The following PPP2R1B variants were observed in gnomAD, a reference collection of about 807,000 sequenced individuals.
The protein encoded by PPP2R1B is protein phosphatase 2 scaffold subunit Abeta.
A neutral mutation model predicts 72.7 loss-of-function variants in PPP2R1B; 58 were observed. The ratio of observed to expected loss-of-function variants is 0.80; its 90% CI spans 0.65 to 0.99. The LOEUF is 0.99. Ranked by LOEUF, PPP2R1B falls within the 50% of genes least tolerant of loss-of-function variation. The pLI is 0.00. For synonymous variants in PPP2R1B, 256 were observed against 264.6 expected, an observed-to-expected ratio of 0.97 and a Z score of 0.32; for missense variants, 695 against 733.6, an observed-to-expected ratio of 0.95 and a Z score of 0.61.
At chr11:111,695,429 G>A in the PPP2R1B span, among the ~76,000 whole-genome samples, 1 of 152,040 alleles carries the variant, frequency 6.6e-6, no homozygotes, top group African/African-American at 2.4e-5. Flanking sequence ...TAAAAAAAAG[G>A]ACTTAGTTTA....
At chr11:111,690,390 AG>A in the PPP2R1B span, among the ~76,000 whole-genome samples, 1 of 151,066 alleles carries the variant, frequency 6.6e-6, no homozygotes, top group African/African-American at 2.4e-5. Context: ...AGCACAAAGG[AG>A]TTCTAGGAGT....
downstream of PPP2R1B, among the ~76,000 whole-genome samples, chr11:111,733,434 A>G (rs920162960): frequency 6.6e-6 from 1 of 152,196 alleles, no homozygotes; most frequent in Non-Finnish European, 1.5e-5. Flanking sequence ...GTGGGCCCAG[A>G]GGAAAATGAG....
the PPP2R1B span, among the ~76,000 whole-genome samples, chr11:111,699,933 T>C: frequency 6.6e-6 from 1 of 152,228 alleles, no homozygotes; most frequent in Non-Finnish European, 1.5e-5. Context: ...CATGCAATGC[T>C]GTGCTCCAGC....
intron 11 of PPP2R1B, among the ~76,000 whole-genome samples, chr11:111,746,947 C>T (rs1170871696): frequency 6.6e-6 from 1 of 152,122 alleles, no homozygotes; most frequent in Non-Finnish European, 1.5e-5. Context: ...ACCATATGAT[C>T]CTCCATATGA....
At chr11:111,720,663 G>A in the PPP2R1B span, 1 of 1,614,068 alleles carries the variant, frequency 6.2e-7, no homozygotes, top group Non-Finnish European at 8.5e-7. Flanking sequence ...TACCAACCCA[G>A]CCATGCAGGC....
At chr11:111,723,350 C>G (rs904320874), downstream of PPP2R1B, 12 of 822,514 alleles carry the variant, frequency 1.5e-5, no homozygotes, top group Middle Eastern at 1.4e-3. Flanking sequence ...AGACCCAACA[C>G]AATTGGTTCC....
In PPP2R1B at chr11:111,755,377, G is replaced by A. The variant is rs1555049302; in HGVS notation, c.761C>T (p.Thr254Ile). 2.5e-6 allele frequency: 4 copies of A among 1,613,750 alleles called. No homozygotes were observed. Among genetic ancestry groups the A allele is most frequent in the African/African-American group, 2.7e-5 (2 of 74,864 alleles). Residue 254 changes from threonine (T) to isoleucine (I), a missense_variant, in exon 6 of 15, where the codon ACT becomes ATT. By Grantham distance (89) the Thr-to-Ile change is moderately conservative (BLOSUM62 -1). Coordinates refer to ENST00000527614, the MANE Select transcript of PPP2R1B (RefSeq NM_002716.5). Reference protein sequence around the residue: ...AQLLSQDDLETLVMPTLRQAA... With the variant: ...AQLLSQDDLEILVMPTLRQAA... ...TTGTCGAAGTGTAGGCATCACCAAA[G>A]TCTCAAGGTCATCCTGAGACAATAA...
At chr11:111,758,053 C>T (rs939511291) in intron 5 of PPP2R1B, among the ~76,000 whole-genome samples, 16 of 152,134 alleles carry the variant, frequency 1.1e-4, no homozygotes, top group African/African-American at 3.1e-4. Flanking sequence ...AAATCCTTTC[C>T]ATCTTCACTA....
chr11:111,753,654 T>G, intron 8 of PPP2R1B, 77 bp from the exon 9 acceptor site: 1 of 1,437,058 alleles, frequency 7.0e-7, no homozygotes, highest in Non-Finnish European at 9.4e-7. Flanking sequence ...GGAAACAGAG[T>G]CTTGCTCTGT....
At chr11:111,699,013 G>A in the PPP2R1B span, among the ~76,000 whole-genome samples, 1 of 152,160 alleles carries the variant, frequency 6.6e-6, no homozygotes, top group Non-Finnish European at 1.5e-5. Context: ...AGTTTTTCTA[G>A]AAAATTAGAA....
the PPP2R1B span, chr11:111,720,944 A>G: frequency 6.2e-7 from 1 of 1,614,164 alleles, no homozygotes; most frequent in South Asian, 1.1e-5. Flanking sequence ...GCTAGAACCA[A>G]AGGAATTCTA....
intron 5 of PPP2R1B, among the ~76,000 whole-genome samples, chr11:111,756,626 G>A (rs1470908680): frequency 6.6e-6 from 1 of 152,160 alleles, no homozygotes; most frequent in Non-Finnish European, 1.5e-5. Flanking sequence ...ACAATTAAAA[G>A]TTAGAAATCA....
rs1944437837 is a variant in PPP2R1B at position 111,739,193 on chromosome 11, A to T, written c.*2403T>A. The T allele has an allele frequency of 1.0e-6, 1 of 983,588 alleles. No individual in the cohort carries two copies. The highest frequency in any genetic ancestry group is 1.7e-5 in the African/African-American group (1 of 57,192). The allele number at this position is 983,588 out of a possible 1,614,324, so 60.9% of individuals were successfully genotyped here. A position where few individuals can be genotyped will look rare whatever the true frequency, so the allele number is the denominator to read the frequency against. ...AAATTCATCCATTGAACACATTTTT[A>T]TTGAGCACCTATTATGTGCACCAGA... On this transcript the variant is annotated 3_prime_UTR_variant, in exon 15 of 15. Coordinates refer to ENST00000527614, the MANE Select transcript of PPP2R1B (RefSeq NM_002716.5).
chr11:111,698,307 T>G, the PPP2R1B span, among the ~76,000 whole-genome samples: 4 of 152,220 alleles, frequency 2.6e-5, no homozygotes, highest in South Asian at 4.1e-4. Flanking sequence ...GCCTGTGAAG[T>G]GTACTATGAG....
the PPP2R1B span, chr11:111,705,264 G>GC: frequency 4.9e-6 from 5 of 1,017,384 alleles, no homozygotes; most frequent in East Asian, 1.6e-4. The surrounding 1 kb of genome is among the most constrained non-coding windows in gnomAD (Gnocchi z 4.3). Flanking sequence ...TAAAATTTCT[G>GC]CCTGCCATTC....
Position 111,727,110 on chromosome 11 carries a change from A to G in PPP2R1B, c.1912-53T>C, listed in dbSNP as rs926633611. ...ACAGGAAGAGGGGGCCCACTTTCACATTCCCGGTGACACTGACCGTCCCCA... is the reference window on the plus strand; with the variant it reads ...ACAGGAAGAGGGGGCCCACTTTCACGTTCCCGGTGACACTGACCGTCCCCA... On this transcript the variant is annotated intron_variant, in intron 15 of 15. Coordinates refer to the PPP2R1B transcript ENST00000311129. 3.3e-6 allele frequency: 5 copies of G among 1,505,658 alleles called. No homozygotes were observed. In the African/African-American group the frequency reaches 6.9e-5, roughly 21 times the overall value. 93.3% of individuals were successfully genotyped at this position (1,505,658 alleles called of 1,614,324 possible). A position where few individuals can be genotyped will look rare whatever the true frequency, so the allele number is the denominator to read the frequency against.
chr11:111,704,078 G>T, the PPP2R1B span, among the ~76,000 whole-genome samples: 1 of 152,208 alleles, frequency 6.6e-6, no homozygotes, highest in Non-Finnish European at 1.5e-5. Flanking sequence ...ATGCCGCCTT[G>T]TTTGCTGTGA....
chr11:111,698,266 CCAGAGAAGTGTTCCCAGCTCTTG>C, the PPP2R1B span, among the ~76,000 whole-genome samples: 2 of 152,190 alleles, frequency 1.3e-5, no homozygotes, highest in Non-Finnish European at 2.9e-5. Flanking sequence ...TACCACGGGT[CCAGAGAAGTGTTCCCAGCTCTTG>C]TTCTCTTGCC....
the PPP2R1B span, among the ~76,000 whole-genome samples, chr11:111,708,174 G>A: frequency 4.6e-5 from 7 of 152,274 alleles, no homozygotes; most frequent in Admixed American, 3.9e-4. Flanking sequence ...TTGAACCCAG[G>A]AGTTTGAGAC....
Sources: allele counts gnomAD v4.1 joint callset (sites outside exome capture counted in the v4.1 genomes callset), GRCh38; gene constraint gnomAD v4.1.1; non-coding constraint Gnocchi (gnomAD v3.1); transcripts MANE v1.5; gene names NCBI Gene and HGNC (gene_info 2026-07-23, HGNC 2026-07-21).